The following ANAPC2 variants were observed in gnomAD, a reference collection of about 807,000 sequenced individuals.
The protein encoded by ANAPC2 is anaphase promoting complex subunit 2, also known as anaphase-promoting complex subunit 2.
Under a neutral mutation model 84.3 loss-of-function variants are expected in ANAPC2, and 29 were observed. That is an observed-to-expected ratio of 0.34 (90% CI 0.26 to 0.47). The LOEUF is 0.47. ANAPC2 is among the 20% of genes least tolerant of loss of function. The pLI is 1.00. For synonymous variants in ANAPC2, 571 were observed against 479.4 expected (o/e 1.19, Z -2.50); for missense variants, 857 against 1,131.7 (o/e 0.76, Z 3.48).
rs150560922 is a variant in ANAPC2, at chr9:137,175,362, C to T, written c.2131G>A (p.Gly711Ser). 88 of 1,611,654 alleles carry T rather than the reference C, an allele frequency of 5.5e-5. No individual in the cohort carries two copies. The highest frequency in any genetic ancestry group is 3.1e-4 in the East Asian group (14 of 44,856). The change falls in exon 12 of 13, where the codon GGC becomes AGC. Residue 711 changes from glycine to serine, a missense_variant. Physicochemically the swap from Gly to Ser is moderately conservative, Grantham distance 56. This residue lies in a region of ANAPC2 where 425 missense variants were observed against 595.5 expected (regional missense o/e 0.71). Coordinates refer to ENST00000323927, the MANE Select transcript of ANAPC2 (RefSeq NM_013366.4). ...TCCTCCTCAATGACAGAGAAGGTGC[C>T]GGGGGGCTCCTCACGCAGCACACCC... is the stretch of plus-strand genomic sequence containing the variant. ...QQGVLREEPP[G>S]TFSVIEEERP...
Position 137,187,584 on chromosome 9 carries a change from A to T in ANAPC2, c.637T>A (p.Tyr213Asn), listed in dbSNP as rs1364007104. Reference sequence around the variant, plus strand: ...CACAGCGGGCTCTGCAGGAGCCGGTAGTACCGGCGACGGGCATACCGGCTG... The same window carrying T: ...CACAGCGGGCTCTGCAGGAGCCGGTTGTACCGGCGACGGGCATACCGGCTG... The part of the protein sequence containing the change: ...LDSRYARRRY[Y>N]RLLQSPLCAG... Residue 213 changes from tyrosine (Y) to asparagine (N), a missense_variant, in exon 2 of 13, where the codon TAC (tyrosine) becomes AAC (asparagine). Physicochemically the swap from Tyr to Asn is moderately radical, Grantham distance 143. This residue lies in a region of ANAPC2 where 428 missense variants were observed against 513.8 expected (regional missense o/e 0.83). Transcript: ENST00000323927. 1 of 1,613,986 alleles carries T rather than the reference A, an allele frequency of 6.2e-7. No individual in the cohort carries two copies. The highest frequency in any genetic ancestry group is 8.5e-7 in the Non-Finnish European group (1 of 1,180,030).
Position 137,181,706 on chromosome 9 carries a change from G to A in ANAPC2, c.1443C>T (p.Val481=), listed in dbSNP as rs538103729. Residue 481 remains valine (V), a synonymous_variant, in exon 7 of 13, where the codon GTC becomes GTT. Coordinates refer to ENST00000323927, the MANE Select transcript of ANAPC2 (RefSeq NM_013366.4). ...EDDSGEPEDW[V]PDPVDADPGK... ...CTGGATCGGCATCCACAGGGTCCGG[G>A]ACCCAGTCCTCTGGCTCGCCTGAGT... 1.9e-6 allele frequency: 3 copies of A among 1,610,648 alleles called. No individual in the cohort carries two copies. Among genetic ancestry groups the A allele is most frequent in the Non-Finnish European group, 2.5e-6 (3 of 1,178,656 alleles).
Position 137,180,901 on chromosome 9 carries a change from C to A in ANAPC2, c.1497G>T (p.Ser499=), listed in dbSNP as rs371616564. The change falls in exon 8 of 13, where the codon TCG becomes TCT. Residue 499 remains serine, a synonymous_variant. Transcript: ENST00000323927. ...PGKSSSKRRS[S]DIISLLVSIY... ...TGCTGACCAGCAGGCTGATGATGTCCGATGAACGCCGCTTGGAGCTCGACT... is the reference window on the plus strand; with the variant it reads ...TGCTGACCAGCAGGCTGATGATGTCAGATGAACGCCGCTTGGAGCTCGACT... The A allele has an allele frequency of 1.9e-6, 3 of 1,613,432 alleles. No individual in the cohort carries two copies. The highest frequency in any genetic ancestry group is 2.5e-6 in the Non-Finnish European group (3 of 1,179,926).
chr9:137,183,852 T>C lies in ANAPC2; in HGVS notation c.1049-61A>G. ...GGATGCGTGCGCACGTGCAGGCTGG[T>C]GCAGAGTGTGTGCGGTGTGGGAAAG... On this transcript the variant is annotated intron_variant, in intron 4 of 12. Transcript: ENST00000323927. 3.1e-6 allele frequency: 5 copies of C among 1,591,042 alleles called. No individual in the cohort carries two copies. In the South Asian group the frequency reaches 5.6e-5, roughly 18 times the overall value.
In ANAPC2 at chr9:137,183,253, G is replaced by A. The variant is rs759796055; in HGVS notation, c.1169-11C>T. On this transcript the variant is annotated splice_polypyrimidine_tract_variant and intron_variant, in intron 5 of 12. Coordinates refer to ENST00000323927, the MANE Select transcript of ANAPC2 (RefSeq NM_013366.4). ...CACACGTGTTGACGCCTACAGCCAG[G>A]GCAGAAGCCAGCAGTCATGCAGTGC... 1.2e-6 allele frequency: 2 copies of A among 1,607,716 alleles called. No individual in the cohort carries two copies. Among genetic ancestry groups the A allele is most frequent in the Non-Finnish European group, 1.7e-6 (2 of 1,175,342 alleles).
In ANAPC2 at chr9:137,175,284, C is replaced by A. The variant is rs774223272; in HGVS notation, c.2209G>T (p.Asp737Tyr). The A allele has an allele frequency of 2.5e-6, 4 of 1,612,526 alleles. No individual in the cohort carries two copies. Among genetic ancestry groups the A allele is most frequent in the Non-Finnish European group, 3.4e-6 (4 of 1,179,864 alleles). The change falls in exon 12 of 13, where the codon GAC becomes TAC. Residue 737 changes from aspartate (D) to tyrosine (Y), a missense_variant. This residue lies in a region of ANAPC2 where 425 missense variants were observed against 595.5 expected (regional missense o/e 0.71). Transcript: ENST00000323927. ...TCGGCCTGGGAGGCCATGCCGGAGT[C>A]GCTCTCGTCGTCACTGTCAATGAGC... ...MVLIDSDDESDSGMASQADQK... is the reference protein window; with the variant it reads ...MVLIDSDDESYSGMASQADQK...
intron 5 of ANAPC2, 179 bp from the exon 6 acceptor site, chr9:137,183,421 G>A: frequency 1.3e-6 from 1 of 742,758 alleles, no homozygotes; most frequent in East Asian, 2.7e-5. Context: ...CCTGCAGGGA[G>A]GTCTGTTCTG....
At chr9:137,186,411 C>G in intron 2 of ANAPC2, 55 bp from the exon 3 acceptor site, 1 of 1,532,114 alleles carries the variant, frequency 6.5e-7, no homozygotes, top group Non-Finnish European at 8.8e-7. Flanking sequence ...CCCCTCTAGC[C>G]CAGAACAGCC....
intron 3 of ANAPC2, among the ~76,000 whole-genome samples, chr9:137,185,812 G>A (rs1564379111): frequency 2.0e-5 from 3 of 152,138 alleles, no homozygotes; most frequent in Admixed American, 1.3e-4. Flanking sequence ...AGGGTGTCTC[G>A]CTCCCCGCTG....
chr9:137,175,660 G>A, intron 11 of ANAPC2, 48 bp downstream of exon 11: 4 of 1,585,532 alleles, frequency 2.5e-6, no homozygotes, highest in Non-Finnish European at 3.4e-6. Flanking sequence ...CTCACCCACA[G>A]CTGGGCCGTG....
chr9:137,183,484 AAAG>A (rs1834385842), intron 5 of ANAPC2, 185 bp downstream of exon 5: 1 of 958,478 alleles, frequency 1.0e-6, no homozygotes, highest in Non-Finnish European at 1.5e-6. Context: ...GACTCCCTCC[AAAG>A]AAGAAACAAG....
chr9:137,182,139 G>C (rs1040040408), intron 6 of ANAPC2, among the ~76,000 whole-genome samples: 1 of 152,188 alleles, frequency 6.6e-6, no homozygotes. Flanking sequence ...CTAAGCCCAG[G>C]TGTCCGAGGC....
chr9:137,186,107 C>A (rs528320298), intron 3 of ANAPC2, 117 bp downstream of exon 3: 4 of 1,438,096 alleles, frequency 2.8e-6, no homozygotes, highest in Non-Finnish European at 3.8e-6. Context: ...AGCCACCACC[C>A]GGTCTGGGCC....
chr9:137,185,883 T>A (rs917176700), intron 3 of ANAPC2, among the ~76,000 whole-genome samples: 18 of 152,154 alleles, frequency 1.2e-4, no homozygotes, highest in Non-Finnish European at 1.5e-5. Flanking sequence ...CACACTCAAG[T>A]AGGGCAGCAA....
At chr9:137,176,069 G>T (rs1352617271) in intron 10 of ANAPC2, 2 of 501,142 alleles carry the variant, frequency 4.0e-6, no homozygotes, top group African/African-American at 3.9e-5. Context: ...AGGCTACAGG[G>T]GCCTCCTGAC....
At chr9:137,178,215 C>A (rs1055240388) in intron 10 of ANAPC2, among the ~76,000 whole-genome samples, 5 of 82,636 alleles carry the variant, frequency 6.1e-5, no homozygotes, top group Admixed American at 9.8e-5. Context: ...CCTCCACAAA[C>A]GCCGCCACTG....
At chr9:137,187,285 T>C in intron 2 of ANAPC2, 196 bp downstream of exon 2, 1 of 696,186 alleles carries the variant, frequency 1.4e-6, no homozygotes, top group South Asian at 2.1e-5. Flanking sequence ...CATGAATCTG[T>C]GGGACTGAAG....
intron 9 of ANAPC2, 22 bp from the exon 10 acceptor site, chr9:137,180,406 G>A (rs368099052): frequency 1.4e-4 from 228 of 1,612,384 alleles, no homozygotes; most frequent in South Asian, 2.2e-4. Flanking sequence ...CCGGTGTCAC[G>A]GGGGACCTGC....
At chr9:137,186,457 A>G in intron 2 of ANAPC2, 101 bp from the exon 3 acceptor site, 4 of 1,416,598 alleles carry the variant, frequency 2.8e-6, no homozygotes, top group Non-Finnish European at 3.8e-6. Context: ...GAGTGCATGC[A>G]GCACACACAC....
Sources: allele counts gnomAD v4.1 joint callset (sites outside exome capture counted in the v4.1 genomes callset), GRCh38; gene constraint gnomAD v4.1.1; regional missense constraint gnomAD v4.1.1; transcripts MANE v1.5; gene names NCBI Gene and HGNC (gene_info 2026-07-23, HGNC 2026-07-21).